TJP1: variants seen among roughly 807,000 people sequenced by gnomAD.
TJP1 encodes the protein tight junction protein ZO-1.
A neutral mutation model predicts 194.2 loss-of-function variants in TJP1; 43 were observed. The observed-to-expected ratio is 0.22, with a 90% CI of 0.17 to 0.29. The LOEUF is 0.29. Among genes scored for constraint, TJP1 ranks in the 10% least tolerant of loss-of-function variants. TJP1 has a pLI of 1.00. For synonymous variants in TJP1, 801 were observed against 779.0 expected (o/e 1.03, Z -0.47); for missense variants, 1,971 against 2,185.7 (o/e 0.90, Z 1.96).
Position 29,708,725 on chromosome 15 carries a change from C to T in TJP1, c.4684G>A (p.Asp1562Asn). Residue 1562 changes from aspartate (D) to asparagine (N), a missense_variant, in exon 25 of 28, where the codon GAC becomes AAC. Around this residue, in one of 5 missense-constraint regions of TJP1, gnomAD observed 1,108 missense variants for 1,128.5 expected, o/e 0.98. Coordinates refer to ENST00000614355, the MANE Select transcript of TJP1 (RefSeq NM_001330239.4). ...LLPSETAHKP[D>N]LSSKTPTSPK... ...GAAGTGGGAGTTTTTGAAGACAAGT[C>T]AGGTTTATGTGCAGTTTCACTTGGC... The T allele has an allele frequency of 1.2e-6, 2 of 1,614,194 alleles. No individual in the cohort carries two copies. The highest frequency in any genetic ancestry group is 1.7e-6 in the Non-Finnish European group (2 of 1,180,044).
At chr15:29,882,251 T>C (rs889554656) in intron 2 of TJP1, among the ~76,000 whole-genome samples, 1 of 152,122 alleles carries the variant, frequency 6.6e-6, no homozygotes, top group African/African-American at 2.4e-5. Flanking sequence ...CACCATATGT[T>C]TTGTGTTTGT....
intron 2 of TJP1, among the ~76,000 whole-genome samples, chr15:29,878,043 TTTTG>T (rs143647950): frequency 0.098 from 14,868 of 151,178 alleles, 1,617 homozygotes; most frequent in African/African-American, 0.27. Context: ...AAAGTATAGT[TTTTG>T]TTTGTTTGTT....
At chr15:29,727,382 ACCC>A (rs2043307280) in intron 16 of TJP1, among the ~76,000 whole-genome samples, 2 of 151,942 alleles carry the variant, frequency 1.3e-5, no homozygotes, top group Non-Finnish European at 2.9e-5. Context: ...AAAACAAAAC[ACCC>A]CATCACATTC....
Position 29,701,504 on chromosome 15 carries a change from C to T in TJP1, c.*91G>A, listed in dbSNP as rs1301154542. On this transcript the variant is annotated 3_prime_UTR_variant, in exon 28 of 28. Coordinates refer to ENST00000614355, the MANE Select transcript of TJP1 (RefSeq NM_001330239.4). Reference sequence around the variant, plus strand: ...TCATACTAACAAACTGTAGTATCAACTCTAAAAAAGGTATAATACTTGATA... The same window carrying T: ...TCATACTAACAAACTGTAGTATCAATTCTAAAAAAGGTATAATACTTGATA... The T allele has an allele frequency of 1.9e-6, 2 of 1,059,788 alleles. No individual in the cohort carries two copies. The highest frequency in any genetic ancestry group is 1.6e-5 in the African/African-American group (1 of 62,832). 65.6% of individuals were successfully genotyped at this position (1,059,788 alleles called of 1,614,324 possible).
chr15:29,858,602 G>A (rs2152096822), intron 2 of TJP1, among the ~76,000 whole-genome samples: 1 of 151,902 alleles, frequency 6.6e-6, no homozygotes, highest in South Asian at 2.1e-4. Flanking sequence ...GGAGTACAGT[G>A]CCACAATCAC....
chr15:29,949,551 CAACCACCACCTCCA>C (rs2055509710), intron 2 of TJP1, among the ~76,000 whole-genome samples: 1 of 139,990 alleles, frequency 7.1e-6, no homozygotes, highest in Non-Finnish European at 1.6e-5. Flanking sequence ...ACCACCTCCA[CAACCACCACCTCCA>C]CTTCCACAAC....
intron 8 of TJP1, among the ~76,000 whole-genome samples, chr15:29,747,722 T>C (rs1253574306): frequency 6.6e-6 from 1 of 152,204 alleles, no homozygotes; most frequent in Non-Finnish European, 1.5e-5. Flanking sequence ...ATTACCATCT[T>C]GGTATTTTAA....
At chr15:29,968,112 T>C (rs1178620166) in intron 1 of TJP1, 15 of 985,348 alleles carry the variant, frequency 1.5e-5, no homozygotes, top group Non-Finnish European at 1.8e-5. Flanking sequence ...CAGTAACAGT[T>C]TCCAGGTCGG....
intron 1 of TJP1, among the ~76,000 whole-genome samples, chr15:29,966,587 A>G (rs1235720901): frequency 1.3e-5 from 2 of 152,168 alleles, no homozygotes; most frequent in African/African-American, 4.8e-5. Context: ...TTTCCCAATC[A>G]CAAATTATTA....
chr15:29,789,785 TAC>T (rs1289422507), intron 2 of TJP1, among the ~76,000 whole-genome samples: 1 of 152,208 alleles, frequency 6.6e-6, no homozygotes, highest in African/African-American at 2.4e-5. Context: ...GCCAAAAGAA[TAC>T]AGTTTCAAAT....
intron 2 of TJP1, among the ~76,000 whole-genome samples, chr15:29,918,763 A>T (rs2054266483): frequency 2.0e-5 from 3 of 152,138 alleles, no homozygotes; most frequent in Admixed American, 6.5e-5. Flanking sequence ...TAAATAAAAA[A>T]GGTTAGATGG....
At chr15:29,877,333 C>T (rs774481954) in intron 2 of TJP1, among the ~76,000 whole-genome samples, 3 of 152,206 alleles carry the variant, frequency 2.0e-5, no homozygotes, top group South Asian at 4.1e-4. Flanking sequence ...CCTCCTGCTT[C>T]GGGGTCCTGA....
In TJP1 at chr15:29,822,198, A is replaced by G; in HGVS notation, c.-170T>C. 1 of 1,176,642 alleles carries G rather than the reference A, an allele frequency of 8.5e-7. No homozygotes were observed. Among genetic ancestry groups the G allele is most frequent in the Non-Finnish European group, 1.0e-6 (1 of 952,582 alleles). 72.9% of individuals were successfully genotyped at this position (1,176,642 alleles called of 1,614,324 possible). Reference sequence around the variant, plus strand: ...AGGGGGAGGGAATTCAACTCGGACAAAAGTCCGGGAAGCGCCCGCCCCGCC... The same window carrying G: ...AGGGGGAGGGAATTCAACTCGGACAGAAGTCCGGGAAGCGCCCGCCCCGCC... On this transcript the variant is annotated 5_prime_UTR_variant, in exon 1 of 28. Transcript: ENST00000614355.
At chr15:29,764,816 T>C (rs2046230808) in intron 5 of TJP1, among the ~76,000 whole-genome samples, 2 of 152,108 alleles carry the variant, frequency 1.3e-5, no homozygotes, top group Admixed American at 1.3e-4. Context: ...TCTAAGTGAA[T>C]ATGCCTAACA....
In TJP1 at chr15:29,708,640, A is replaced by C; in HGVS notation, c.4769T>G (p.Val1590Gly). 3 of 1,614,120 alleles carry C rather than the reference A, an allele frequency of 1.9e-6. No individual in the cohort carries two copies. Among genetic ancestry groups the C allele is most frequent in the East Asian group, 4.5e-5 (2 of 44,880 alleles). The change falls in exon 25 of 28, where the codon GTT becomes GGT. Residue 1590 changes from valine (V) to glycine (G), a missense_variant. Around this residue, in one of 5 missense-constraint regions of TJP1, gnomAD observed 1,108 missense variants for 1,128.5 expected, o/e 0.98. Coordinates refer to ENST00000614355, the MANE Select transcript of TJP1 (RefSeq NM_001330239.4). ...CTCTGCATGGATAGAGAAAGTTTCA[A>C]CTCCACTGTCAAACTCAGGAGGCTG... ...LAQPPEFDSGVETFSIHAEKP... is the reference protein window; with the variant it reads ...LAQPPEFDSGGETFSIHAEKP...
chr15:29,902,618 T>A, intron 2 of TJP1, among the ~76,000 whole-genome samples: 1 of 152,194 alleles, frequency 6.6e-6, no homozygotes, highest in Non-Finnish European at 1.5e-5. Context: ...CACTAAGGCA[T>A]CATTTGCTCA....
At chr15:29,823,004 C>G (rs1482713304), upstream of TJP1, 1 of 152,314 alleles carries the variant, frequency 6.6e-6, no homozygotes, top group Non-Finnish European at 1.5e-5. Context: ...CTCTCGTTCA[C>G]CGGCGCCGAC....
chr15:29,776,811 C>G (rs1051651152), intron 2 of TJP1, among the ~76,000 whole-genome samples: 28 of 152,112 alleles, frequency 1.8e-4, no homozygotes, highest in Non-Finnish European at 7.3e-5. Context: ...TGAAAAGCTA[C>G]TGAGCTTATG....
At chr15:29,743,238 A>G (rs1036035784) in intron 8 of TJP1, among the ~76,000 whole-genome samples, 3 of 152,230 alleles carry the variant, frequency 2.0e-5, no homozygotes, top group Non-Finnish European at 2.9e-5. Flanking sequence ...AAGCCACAGT[A>G]TATCAACAAA....
Sources: allele counts gnomAD v4.1 joint callset (sites outside exome capture counted in the v4.1 genomes callset), GRCh38; gene constraint gnomAD v4.1.1; regional missense constraint gnomAD v4.1.1; transcripts MANE v1.5; gene names NCBI Gene and HGNC (gene_info 2026-07-23, HGNC 2026-07-21).